The following PDIA5 variants were observed in gnomAD, a reference collection of about 807,000 sequenced individuals.
The protein encoded by PDIA5 is protein disulfide-isomerase A5.
PDIA5 carries 58 observed loss-of-function variants against 77.6 expected under a neutral mutation model. The ratio of observed to expected loss-of-function variants is 0.75; its 90% CI spans 0.61 to 0.93. The LOEUF (loss-of-function observed/expected upper bound fraction) is 0.93, where lower values mean the gene tolerates loss of function less well. PDIA5 is among the 40% of genes least tolerant of loss of function. PDIA5 has a pLI of 0.00. For missense variants in PDIA5, 630 were observed against 647.7 expected (o/e 0.97, Z 0.30); for synonymous variants, 250 against 252.1 (o/e 0.99, Z 0.08).
At chr3:123,089,695 C>T (rs556462898) in intron 2 of PDIA5, among the ~76,000 whole-genome samples, 412 of 152,378 alleles carry the variant, frequency 2.7e-3, no homozygotes, top group African/African-American at 9.2e-3. Context: ...CTGGCCAGGC[C>T]GGCCTGTTGC....
chr3:123,086,397 C>T (rs1934138771), intron 1 of PDIA5, among the ~76,000 whole-genome samples: 1 of 152,186 alleles, frequency 6.6e-6, no homozygotes, highest in African/African-American at 2.4e-5. Flanking sequence ...GGCTCAGACT[C>T]AATCCAAGAC....
intron 15 of PDIA5, among the ~76,000 whole-genome samples, chr3:123,158,880 G>A (rs935044113): frequency 7.0e-4 from 106 of 152,238 alleles, no homozygotes; most frequent in Non-Finnish European, 1.0e-4. Context: ...TAGCTGAGAA[G>A]AGCTTTATTC....
chr3:123,137,492 G>A (rs1027344933), intron 11 of PDIA5, among the ~76,000 whole-genome samples: 17 of 151,986 alleles, frequency 1.1e-4, no homozygotes, highest in African/African-American at 3.6e-4. Flanking sequence ...GCCTTTCATT[G>A]TACAAAGCTT....
intron 8 of PDIA5, among the ~76,000 whole-genome samples, chr3:123,120,080 C>T (rs1935075010): frequency 6.6e-6 from 1 of 152,226 alleles, no homozygotes; most frequent in South Asian, 2.1e-4. Context: ...CTCAGAGCAG[C>T]CATCAGAATG....
At chr3:123,138,224 G>A (rs1935544691) in intron 11 of PDIA5, among the ~76,000 whole-genome samples, 1 of 152,190 alleles carries the variant, frequency 6.6e-6, no homozygotes, top group Admixed American at 6.5e-5. Flanking sequence ...AGGATTATAA[G>A]CATGAGCCAC....
chr3:123,108,056 C>T (rs1018721361), intron 6 of PDIA5, among the ~76,000 whole-genome samples: 6 of 152,182 alleles, frequency 3.9e-5, no homozygotes, highest in African/African-American at 1.4e-4. Flanking sequence ...CTCAGCCTCC[C>T]AAAGTGCTGG....
chr3:123,086,284 A>T (rs1280675229), intron 1 of PDIA5, among the ~76,000 whole-genome samples: 1 of 152,194 alleles, frequency 6.6e-6, no homozygotes, highest in Admixed American at 6.5e-5. Flanking sequence ...TCCTCATATC[A>T]ATCCCACGAG....
intron 1 of PDIA5, among the ~76,000 whole-genome samples, chr3:123,078,705 A>G (rs1933917647): frequency 6.6e-6 from 1 of 152,242 alleles, no homozygotes; most frequent in African/African-American, 2.4e-5. Flanking sequence ...GACCCAAACC[A>G]GAATCACACA....
At chr3:123,096,476 A>C (rs1934444094) in intron 3 of PDIA5, among the ~76,000 whole-genome samples, 1 of 152,114 alleles carries the variant, frequency 6.6e-6, no homozygotes, top group African/African-American at 2.4e-5. Context: ...GGCATGCGCC[A>C]CCGTGCCTGG....
intron 10 of PDIA5, 106 bp from the exon 11 acceptor site, chr3:123,130,374 G>A (rs1375165274): frequency 4.7e-6 from 6 of 1,265,208 alleles, no homozygotes; most frequent in Middle Eastern, 2.7e-4. Context: ...CCCTGGAGTG[G>A]GCCGTCCCGA....
At chr3:123,120,028 C>T (rs1935074521) in intron 8 of PDIA5, among the ~76,000 whole-genome samples, 1 of 152,202 alleles carries the variant, frequency 6.6e-6, no homozygotes, top group East Asian at 1.9e-4. Flanking sequence ...CCCATCTACT[C>T]CTGCTAATTG....
At chr3:123,151,787 GCCT>G (rs1935905471) in intron 14 of PDIA5, among the ~76,000 whole-genome samples, 1 of 86,682 alleles carries the variant, frequency 1.2e-5, no homozygotes, top group Non-Finnish European at 2.2e-5. Flanking sequence ...TGCCTGGCCT[GCCT>G]TCCTGCCTGC....
In PDIA5 at chr3:123,130,685, T is replaced by G. The variant is rs1935353076; in HGVS notation, c.910+69T>G. On this transcript the variant is annotated intron_variant, in intron 11 of 16. Coordinates refer to ENST00000316218, the MANE Select transcript of PDIA5 (RefSeq NM_006810.4). ...TCAGAGTAGGATGAGTGTGGCGCTT[T>G]GCAATGTGAACCCAGGAAGCACTTA... 4 of 1,543,980 alleles carry G rather than the reference T, an allele frequency of 2.6e-6. No individual in the cohort carries two copies. In the East Asian group the frequency reaches 9.1e-5, roughly 35 times the overall value.
At chr3:123,083,382 C>G (rs1309876322) in intron 1 of PDIA5, among the ~76,000 whole-genome samples, 1 of 152,134 alleles carries the variant, frequency 6.6e-6, no homozygotes, top group Non-Finnish European at 1.5e-5. Flanking sequence ...AGTTTTCTGC[C>G]CTGCACCAGG....
intron 13 of PDIA5, among the ~76,000 whole-genome samples, chr3:123,149,811 T>A (rs1935847242): frequency 6.6e-6 from 1 of 152,168 alleles, no homozygotes; most frequent in South Asian, 2.1e-4. Context: ...GCCTCACTCC[T>A]TGGCCCATGC....
At chr3:123,077,398 G>A (rs868611645) in intron 1 of PDIA5, among the ~76,000 whole-genome samples, 5 of 152,134 alleles carry the variant, frequency 3.3e-5, no homozygotes, top group Non-Finnish European at 5.9e-5. Flanking sequence ...CTAAGCCCTG[G>A]ATTTGGAATT....
chr3:123,116,093 G>C (rs900533729), intron 7 of PDIA5, 138 bp from the exon 8 acceptor site: 12 of 720,950 alleles, frequency 1.7e-5, no homozygotes, highest in Admixed American at 4.0e-5. Context: ...TGTGTCCCCA[G>C]GGTCTGGAAT....
chr3:123,113,508 G>A (rs576185212), intron 7 of PDIA5, among the ~76,000 whole-genome samples: 2 of 152,198 alleles, frequency 1.3e-5, no homozygotes, highest in South Asian at 2.1e-4. Context: ...GAGAAAACTC[G>A]GAGGTTAAGT....
chr3:123,155,125 C>A, intron 15 of PDIA5, 84 bp downstream of exon 15: 1 of 957,516 alleles, frequency 1.0e-6, no homozygotes, highest in Admixed American at 1.7e-5. Context: ...CTTCCCCAAA[C>A]AGGGGCAGGT....
Sources: allele counts gnomAD v4.1 joint callset (sites outside exome capture counted in the v4.1 genomes callset), GRCh38; gene constraint gnomAD v4.1.1; transcripts MANE v1.5; gene names NCBI Gene and HGNC (gene_info 2026-07-23, HGNC 2026-07-21).